Variants in CMTM8 observed in about 807,000 individuals in gnomAD.
CMTM8 encodes the protein CKLF-like MARVEL transmembrane domain-containing protein 8.
In CMTM8, 12 loss-of-function variants were observed where a neutral mutation model predicts 18.6. That is an observed-to-expected ratio of 0.65 (90% CI 0.41 to 1.05). CMTM8 has a LOEUF of 1.05. Among genes scored for constraint, CMTM8 ranks in the 50% least tolerant of loss-of-function variants. The probability of loss-of-function intolerance (pLI) is 0.00; values close to 1 mark genes in which losing one functional copy is unlikely to be tolerated. For synonymous variants in CMTM8, 87 were observed against 90.6 expected, an observed-to-expected ratio of 0.96 and a Z score of 0.23; for missense variants, 217 against 227.2, an observed-to-expected ratio of 0.95 and a Z score of 0.29.
chr3:32,331,448 C>T (rs573070556), intron 1 of CMTM8, among the ~76,000 whole-genome samples: 20 of 151,136 alleles, frequency 1.3e-4, no homozygotes, highest in Non-Finnish European at 2.5e-4. Flanking sequence ...CTATATGACC[C>T]AACAATCCCA....
chr3:32,342,086 A>G (rs190976429), intron 1 of CMTM8, among the ~76,000 whole-genome samples: 1 of 152,094 alleles, frequency 6.6e-6, no homozygotes, highest in Admixed American at 6.5e-5. Flanking sequence ...CGTCTCTACT[A>G]AAAACATAAA....
At chr3:32,356,978 C>G (rs1696826834) in intron 1 of CMTM8, among the ~76,000 whole-genome samples, 1 of 152,224 alleles carries the variant, frequency 6.6e-6, no homozygotes. Flanking sequence ...TTGGTCCCTG[C>G]CTGGACTGCC....
At chr3:32,258,610 A>C (rs1008738570) in intron 1 of CMTM8, among the ~76,000 whole-genome samples, 1 of 152,080 alleles carries the variant, frequency 6.6e-6, no homozygotes, top group African/African-American at 2.4e-5. Context: ...CCCAGGCTCA[A>C]GTGAGCCTCT....
intron 1 of CMTM8, among the ~76,000 whole-genome samples, chr3:32,296,344 C>T (rs757794834): frequency 2.0e-5 from 3 of 152,134 alleles, no homozygotes; most frequent in African/African-American, 4.8e-5. Context: ...CAGCCCCCTC[C>T]GGAGTAGGCT....
chr3:32,322,260 G>C (rs187900953), intron 1 of CMTM8, among the ~76,000 whole-genome samples: 1 of 151,884 alleles, frequency 6.6e-6, no homozygotes, highest in African/African-American at 2.4e-5. Flanking sequence ...GTATTCATTA[G>C]ATGGCTTGTT....
chr3:32,314,385 A>C (rs1407234368), intron 1 of CMTM8, among the ~76,000 whole-genome samples: 6 of 152,086 alleles, frequency 3.9e-5, no homozygotes, highest in African/African-American at 1.4e-4. Flanking sequence ...GGTTGATGCA[A>C]GTTCCTAGTT....
At chr3:32,256,953 C>CT (rs1702181373) in intron 1 of CMTM8, among the ~76,000 whole-genome samples, 1 of 152,130 alleles carries the variant, frequency 6.6e-6, no homozygotes, top group East Asian at 1.9e-4. Context: ...ACTAAATGGT[C>CT]TTTTTTCCCT....
chr3:32,277,311 C>T (rs1575156665), intron 1 of CMTM8, among the ~76,000 whole-genome samples: 1 of 152,280 alleles, frequency 6.6e-6, no homozygotes, highest in East Asian at 1.9e-4. Context: ...CAAGTAAGGC[C>T]CCACGGTGGT....
At chr3:32,289,242 T>G (rs1475900914) in intron 1 of CMTM8, among the ~76,000 whole-genome samples, 2 of 152,220 alleles carry the variant, frequency 1.3e-5, no homozygotes, top group African/African-American at 4.8e-5. Flanking sequence ...GAATTTTAAT[T>G]TAAAATCTCC....
chr3:32,324,011 G>A (rs1488130884), intron 1 of CMTM8, among the ~76,000 whole-genome samples: 3 of 152,226 alleles, frequency 2.0e-5, no homozygotes, highest in African/African-American at 7.2e-5. Flanking sequence ...GTGGAAGAAG[G>A]AGTAAATGAC....
intron 1 of CMTM8, among the ~76,000 whole-genome samples, chr3:32,280,037 T>C (rs1038902234): frequency 1.7e-5 from 2 of 117,400 alleles, no homozygotes; most frequent in African/African-American, 6.0e-5. Context: ...TCAATATAAT[T>C]AGTGATTTTT....
At chr3:32,309,703 G>C (rs181193024) in intron 1 of CMTM8, among the ~76,000 whole-genome samples, 2 of 152,058 alleles carry the variant, frequency 1.3e-5, no homozygotes, top group South Asian at 2.1e-4. Context: ...CCTCAAAGTC[G>C]GTCATGCTTT....
At chr3:32,367,634 G>C (rs17029314) in intron 2 of CMTM8, among the ~76,000 whole-genome samples, 4,077 of 152,204 alleles carry the variant, frequency 0.027, 72 homozygotes, top group South Asian at 0.056. Flanking sequence ...ATGACTGAAG[G>C]GGCGGCATGC....
intron 1 of CMTM8, among the ~76,000 whole-genome samples, chr3:32,301,356 A>G (rs1695612601): frequency 1.5e-5 from 2 of 136,546 alleles, no homozygotes; most frequent in Non-Finnish European, 3.1e-5. Flanking sequence ...AAAAAAAATT[A>G]TACTTTGACA....
chr3:32,364,322 G>A (rs566604149), intron 2 of CMTM8, among the ~76,000 whole-genome samples: 2 of 152,300 alleles, frequency 1.3e-5, no homozygotes, highest in South Asian at 2.1e-4. Context: ...GGCTAACCCA[G>A]TGAAACCCCA....
chr3:32,311,802 A>G (rs2125570054), intron 1 of CMTM8, among the ~76,000 whole-genome samples: 1 of 152,320 alleles, frequency 6.6e-6, no homozygotes, highest in Non-Finnish European at 1.5e-5. Context: ...GTCCCACCAG[A>G]CTGCCCCTGC....
intron 1 of CMTM8, among the ~76,000 whole-genome samples, chr3:32,342,365 T>G (rs1486362559): frequency 6.6e-6 from 1 of 152,202 alleles, no homozygotes; most frequent in East Asian, 1.9e-4. Flanking sequence ...ACCAGGGGCT[T>G]GGGTACATAG....
chr3:32,344,824 G>C (rs1475363057), intron 1 of CMTM8, among the ~76,000 whole-genome samples: 1 of 152,132 alleles, frequency 6.6e-6, no homozygotes, highest in Admixed American at 6.5e-5. Flanking sequence ...GAGCCCAGGA[G>C]GTCGAGGCTG....
At chr3:32,364,283 T>C (rs1696988943) in intron 2 of CMTM8, among the ~76,000 whole-genome samples, 1 of 152,098 alleles carries the variant, frequency 6.6e-6, no homozygotes, top group South Asian at 2.1e-4. Flanking sequence ...GGCGGGTGGA[T>C]CATGAAGTCA....
Sources: allele counts gnomAD v4.1 joint callset (sites outside exome capture counted in the v4.1 genomes callset), GRCh38; gene constraint gnomAD v4.1.1; transcripts MANE v1.5; gene names NCBI Gene and HGNC (gene_info 2026-07-23, HGNC 2026-07-21).